Variants in GALNT9 observed in about 807,000 individuals in gnomAD.
The protein encoded by GALNT9 is GalNAc transferase 9.
Under a neutral mutation model 63.1 loss-of-function variants are expected in GALNT9, and 47 were observed. The observed-to-expected ratio is 0.75, with a 90% CI of 0.59 to 0.95. The LOEUF (loss-of-function observed/expected upper bound fraction) is 0.95, where lower values mean the gene tolerates loss of function less well. Ranked by LOEUF, GALNT9 falls within the 40% of genes least tolerant of loss-of-function variation. GALNT9 has a pLI of 0.00. For missense variants in GALNT9, 829 were observed against 874.8 expected (o/e 0.95, Z 0.66); for synonymous variants, 396 against 365.7 (o/e 1.08, Z -0.94).
At chr12:132,216,416 C>T (rs932522212) in intron 6 of GALNT9, among the ~76,000 whole-genome samples, 1 of 152,252 alleles carries the variant, frequency 6.6e-6, no homozygotes, top group African/African-American at 2.4e-5. Context: ...AGACCAGCAC[C>T]AAGCACTCTC....
chr12:132,206,750 G>A (rs1279113978), intron 6 of GALNT9, among the ~76,000 whole-genome samples: 1 of 152,180 alleles, frequency 6.6e-6, no homozygotes, highest in African/African-American at 2.4e-5. Flanking sequence ...GCAACTGGGA[G>A]GAGGAGCCGA....
intron 9 of GALNT9, 62 bp downstream of exon 9, chr12:132,199,112 G>A: frequency 9.2e-7 from 1 of 1,092,142 alleles, no homozygotes; most frequent in Non-Finnish European, 1.4e-6. Flanking sequence ...CCAGGGTGTA[G>A]GGTCCGGGTG....
intron 5 of GALNT9, among the ~76,000 whole-genome samples, chr12:132,254,404 C>T (rs1440952359): frequency 1.3e-5 from 2 of 152,246 alleles, no homozygotes; most frequent in Admixed American, 1.3e-4. Context: ...TCAGTTTCAG[C>T]GATGATCAGC....
intron 6 of GALNT9, among the ~76,000 whole-genome samples, chr12:132,217,854 C>T (rs7314279): frequency 0.59 from 87,960 of 149,338 alleles, 25,946 homozygotes; most frequent in East Asian, 0.77. Context: ...CTTTATCCAT[C>T]CATCTACCTA....
intron 1 of GALNT9, among the ~76,000 whole-genome samples, chr12:132,290,261 A>C (rs1880755518): frequency 6.6e-6 from 1 of 152,202 alleles, no homozygotes; most frequent in African/African-American, 2.4e-5. Flanking sequence ...CCACACACAG[A>C]GCCCCCATCA....
At chr12:132,239,527 G>C (rs1878150182) in intron 6 of GALNT9, among the ~76,000 whole-genome samples, 1 of 151,218 alleles carries the variant, frequency 6.6e-6, no homozygotes, top group South Asian at 2.1e-4. Context: ...GAGAGACTGA[G>C]ATACAGAGAG....
chr12:132,309,910 T>G (rs1448327775), intron 1 of GALNT9, among the ~76,000 whole-genome samples: 3 of 152,118 alleles, frequency 2.0e-5, no homozygotes, highest in Non-Finnish European at 4.4e-5. Flanking sequence ...AGAACGACAG[T>G]TTGCTTGATG....
intron 1 of GALNT9, among the ~76,000 whole-genome samples, chr12:132,298,844 C>T (rs1024234497): frequency 6.7e-6 from 1 of 148,680 alleles, no homozygotes; most frequent in Non-Finnish European, 1.5e-5. Flanking sequence ...CCCACTCTCA[C>T]CACACCTAAA....
chr12:132,294,704 G>A, intron 1 of GALNT9, among the ~76,000 whole-genome samples: 1 of 140,480 alleles, frequency 7.1e-6, no homozygotes, highest in South Asian at 2.7e-4. Flanking sequence ...AGCAGGTGCA[G>A]ACCCGGGGCA....
Position 132,286,519 on chromosome 12 carries a change from C to G in GALNT9, c.239-89G>C, listed in dbSNP as rs28697012. Reference sequence around the variant, plus strand: ...ACGCCCCTCCCGCCCCTCTCCCCGACGGCCGCTTCCCCCGGTACAAGCCCA... The same window carrying G: ...ACGCCCCTCCCGCCCCTCTCCCCGAGGGCCGCTTCCCCCGGTACAAGCCCA... On this transcript the variant is annotated intron_variant, in intron 1 of 10. Coordinates refer to ENST00000328957, the MANE Select transcript of GALNT9 (RefSeq NM_001122636.2). This position sits in a 1 kb window ranked among gnomAD's most constrained non-coding sequence, Gnocchi z 7.4. The G allele has an allele frequency of 1.4e-5, 20 of 1,449,548 alleles. No homozygotes were observed. The highest frequency in any genetic ancestry group is 1.7e-5 in the Non-Finnish European group (19 of 1,103,764). 89.8% of individuals were successfully genotyped at this position (1,449,548 alleles called of 1,614,324 possible).
Position 132,263,913 on chromosome 12 carries a change from G to A in GALNT9, c.420-1288C>T, listed in dbSNP as rs767876579. ...TCCCTCCATCACTAGGTCAGGAGGC[G>A]TCTCGGGCCTGGCTGCGGGGCCACA... is the stretch of plus-strand genomic sequence containing the variant. On this transcript the variant is annotated intron_variant, in intron 2 of 10. Transcript: ENST00000328957. 6.6e-5 allele frequency among the ~76,000 whole-genome samples: 10 copies of A among 152,178 alleles called. No individual in the cohort carries two copies. The South Asian group carries it at 1.2e-3, about 19-fold the overall frequency.
intron 6 of GALNT9, among the ~76,000 whole-genome samples, chr12:132,204,330 GCTGTCCTGC>G (rs1037056938): frequency 3.3e-5 from 5 of 152,096 alleles, no homozygotes; most frequent in African/African-American, 7.2e-5. Context: ...GTCCCCCCGC[GCTGTCCTGC>G]CTGTGAGGGT....
chr12:132,315,867 A>C lies in GALNT9; in HGVS notation c.238+13099T>G, dbSNP rs74634667. Reference sequence around the variant, plus strand: ...GAAGACCCCTCTATGCTGGGGCTGCAATAAACCCCTGTGCTGGGCCCATTC... The same window carrying C: ...GAAGACCCCTCTATGCTGGGGCTGCCATAAACCCCTGTGCTGGGCCCATTC... On this transcript the variant is annotated intron_variant, in intron 1 of 10. Transcript: ENST00000328957. This position sits in a 1 kb window ranked among gnomAD's most constrained non-coding sequence, Gnocchi z 6.1. Among the ~76,000 whole-genome samples the C allele has an allele frequency of 0.025, 3,810 of 152,316 alleles. 149 individuals are homozygous for C. Among genetic ancestry groups the C allele is most frequent in the African/African-American group, 0.086 (3,563 of 41,572 alleles).
chr12:132,295,196 G>T (rs73473542), intron 1 of GALNT9, among the ~76,000 whole-genome samples: 2,378 of 152,322 alleles, frequency 0.016, 72 homozygotes, highest in African/African-American at 0.054. Context: ...CGGGCACCCG[G>T]AGAGTTTGCT....
At chr12:132,304,538 C>A (rs1881484690) in intron 1 of GALNT9, among the ~76,000 whole-genome samples, 1 of 51,782 alleles carries the variant, frequency 1.9e-5, no homozygotes, top group East Asian at 1.2e-3. Flanking sequence ...CTCACCCGGG[C>A]ACAGAATCGC....
In GALNT9 at chr12:132,196,494, G is replaced by GAC; in HGVS notation, c.*611_*612dup. ...CAACCCCCAGCTCGGCTCCCAGGAA[G>GAC]ACACACACAGTGCTGCTGCCTAATC... On this transcript the variant is annotated 3_prime_UTR_variant, in exon 11 of 11. Transcript: ENST00000328957. 1.0e-6 allele frequency: 1 copy of GAC among 985,592 alleles called. No individual in the cohort carries two copies. The highest frequency in any genetic ancestry group is 1.7e-5 in the African/African-American group (1 of 57,374). The allele number at this position is 985,592 out of a possible 1,614,324, so 61.1% of individuals were successfully genotyped here. A position where few individuals can be genotyped will look rare whatever the true frequency, so the allele number is the denominator to read the frequency against.
At chr12:132,243,989 C>T (rs1202117240) in intron 6 of GALNT9, among the ~76,000 whole-genome samples, 1 of 151,824 alleles carries the variant, frequency 6.6e-6, no homozygotes, top group Non-Finnish European at 1.5e-5. Context: ...TGAAGGGAAG[C>T]TTTAGGGATG....
rs1286018846 is a variant in GALNT9, at chr12:132,291,415, TCCACAGCACCCACAA to T, written c.239-5000_239-4986del. On this transcript the variant is annotated intron_variant, in intron 1 of 10. Coordinates refer to ENST00000328957, the MANE Select transcript of GALNT9 (RefSeq NM_001122636.2). ...AGCACCCACGTCCACAGCGCACACG[TCCACAGCACCCACAA>T]CCACAGCGCCCACGTCCACATCACC... Among the ~76,000 whole-genome samples, 50 of 91,930 alleles carry T rather than the reference TCCACAGCACCCACAA, an allele frequency of 5.4e-4. 2 individuals are homozygous for T. Among genetic ancestry groups the T allele is most frequent in the African/African-American group, 1.4e-3 (26 of 19,032 alleles). The allele number at this position is 91,930 out of a possible 152,430, so 60.3% of individuals were successfully genotyped here.
chr12:132,320,816 T>C (rs117582490), intron 1 of GALNT9, among the ~76,000 whole-genome samples: 12,298 of 151,320 alleles, frequency 0.081, 601 homozygotes, highest in South Asian at 0.15. Flanking sequence ...AGCGGGGGGG[T>C]CCTTCTGCTG....
Sources: allele counts gnomAD v4.1 joint callset (sites outside exome capture counted in the v4.1 genomes callset), GRCh38; gene constraint gnomAD v4.1.1; non-coding constraint Gnocchi (gnomAD v3.1); transcripts MANE v1.5; gene names NCBI Gene and HGNC (gene_info 2026-07-23, HGNC 2026-07-21).